The following GRIK1 variants were observed in gnomAD, a reference collection of about 807,000 sequenced individuals.
The protein encoded by GRIK1 is glutamate receptor ionotropic, kainate 1.
Under a neutral mutation model 105.7 loss-of-function variants are expected in GRIK1, and 69 were observed. That is an observed-to-expected ratio of 0.65 (90% confidence interval 0.54 to 0.80). GRIK1 has a LOEUF of 0.80. GRIK1 is among the 30% of genes least tolerant of loss of function. The pLI, the probability that GRIK1 is intolerant of heterozygous loss-of-function variation, is 0.00. For missense variants in GRIK1, 1,109 were observed against 1,167.3 expected (o/e 0.95, Z 0.73); for synonymous variants, 438 against 431.3 (o/e 1.02, Z -0.19).
chr21:29,607,285 G>A (rs363427), intron 7 of GRIK1, among the ~76,000 whole-genome samples: 53,142 of 151,662 alleles, frequency 0.35, 9,969 homozygotes, highest in African/African-American at 0.5. Context: ...CACTGGAAAT[G>A]ACAACCAACC....
chr21:29,555,520 C>T (rs1462373784), intron 15 of GRIK1, among the ~76,000 whole-genome samples: 4 of 152,046 alleles, frequency 2.6e-5, no homozygotes, highest in East Asian at 1.9e-4. Flanking sequence ...ACTTTGGCCC[C>T]GATTGTTTGC....
chr21:29,754,286 G>T (rs575778500), intron 1 of GRIK1, among the ~76,000 whole-genome samples: 15 of 152,224 alleles, frequency 9.9e-5, no homozygotes, highest in Admixed American at 3.9e-4. Flanking sequence ...CTCATGTGTG[G>T]GTGGCTTTAT....
intron 9 of GRIK1, among the ~76,000 whole-genome samples, chr21:29,593,492 G>T (rs192281021): frequency 2.6e-5 from 4 of 152,142 alleles, no homozygotes; most frequent in Admixed American, 2.6e-4. Context: ...ATGTAACTCT[G>T]GCTAAATATA....
chr21:29,919,365 T>C (rs2071113043), intron 1 of GRIK1, among the ~76,000 whole-genome samples: 2 of 152,130 alleles, frequency 1.3e-5, no homozygotes, highest in Admixed American at 6.6e-5. Context: ...TGTCTCTTGT[T>C]GGCGGAAGCA....
At chr21:29,762,204 A>G (rs1053831156) in intron 1 of GRIK1, among the ~76,000 whole-genome samples, 1 of 152,202 alleles carries the variant, frequency 6.6e-6, no homozygotes, top group African/African-American at 2.4e-5. Flanking sequence ...GTTAACAGAT[A>G]TTCTGTCTTT....
intron 16 of GRIK1, among the ~76,000 whole-genome samples, chr21:29,545,501 T>C (rs1015615803): frequency 2.0e-5 from 3 of 152,234 alleles, no homozygotes; most frequent in Admixed American, 6.5e-5. Context: ...TTTATTGCAT[T>C]TCAGAGGCTG....
chr21:29,934,645 A>G (rs189284429), intron 1 of GRIK1, among the ~76,000 whole-genome samples: 45 of 152,322 alleles, frequency 3.0e-4, no homozygotes, highest in Non-Finnish European at 1.5e-4. Context: ...AAGTCCATAT[A>G]CAATATGGCA....
At chr21:29,784,849 A>C (rs2066216598) in intron 1 of GRIK1, among the ~76,000 whole-genome samples, 1 of 152,252 alleles carries the variant, frequency 6.6e-6, no homozygotes, top group Admixed American at 6.5e-5. Flanking sequence ...TGAATTAATA[A>C]ATAAATACAC....
At chr21:29,572,788 G>A (rs748752580) in intron 14 of GRIK1, among the ~76,000 whole-genome samples, 1 of 149,692 alleles carries the variant, frequency 6.7e-6, no homozygotes, top group Non-Finnish European at 1.5e-5. Flanking sequence ...CTTCTTTTTT[G>A]AGACGGAGTT....
At chr21:29,790,329 G>T (rs1259021989) in intron 1 of GRIK1, among the ~76,000 whole-genome samples, 1 of 152,148 alleles carries the variant, frequency 6.6e-6, no homozygotes, top group African/African-American at 2.4e-5. Flanking sequence ...TTACAAGTGT[G>T]AGCCACCTCG....
chr21:29,650,118 A>G (rs2062700949), intron 6 of GRIK1, among the ~76,000 whole-genome samples: 1 of 152,218 alleles, frequency 6.6e-6, no homozygotes, highest in Non-Finnish European at 1.5e-5. Context: ...TGAATATTTT[A>G]AAAGTTATTT....
chr21:29,707,405 T>G (rs1442055055), intron 1 of GRIK1, among the ~76,000 whole-genome samples: 1 of 151,514 alleles, frequency 6.6e-6, no homozygotes, highest in Non-Finnish European at 1.5e-5. Flanking sequence ...GATGACTCTA[T>G]CCGGCTTTCT....
intron 4 of GRIK1, among the ~76,000 whole-genome samples, chr21:29,671,779 T>C (rs184261820): frequency 5.9e-5 from 9 of 152,294 alleles, no homozygotes; most frequent in Admixed American, 5.2e-4. Flanking sequence ...TATAAAGAGA[T>C]GGCCGGCAGA....
chr21:29,917,561 G>A (rs2071038961), intron 1 of GRIK1, among the ~76,000 whole-genome samples: 6 of 151,980 alleles, frequency 3.9e-5, no homozygotes, highest in Admixed American at 3.9e-4. Flanking sequence ...ACATTGAAAT[G>A]TTCTCTTCTT....
At chr21:29,620,782 G>GATATAT (rs1303807750) in intron 7 of GRIK1, among the ~76,000 whole-genome samples, 1 of 122,852 alleles carries the variant, frequency 8.1e-6, no homozygotes, top group African/African-American at 3.7e-5. Flanking sequence ...TATATATATA[G>GATATAT]ATATATATAT....
chr21:29,745,617 G>T (rs2065030632), intron 1 of GRIK1, among the ~76,000 whole-genome samples: 1 of 152,142 alleles, frequency 6.6e-6, no homozygotes. Flanking sequence ...ATGCTGCCTG[G>T]TTACTTACCA....
intron 1 of GRIK1, among the ~76,000 whole-genome samples, chr21:29,938,123 T>C (rs1484442423): frequency 6.6e-6 from 1 of 152,208 alleles, no homozygotes; most frequent in East Asian, 1.9e-4. Context: ...TGAATTTTTG[T>C]AAAGGGGCTG....
chr21:29,618,666 G>A (rs1372761775), intron 7 of GRIK1, among the ~76,000 whole-genome samples: 1 of 152,118 alleles, frequency 6.6e-6, no homozygotes, highest in Non-Finnish European at 1.5e-5. Flanking sequence ...TATGCACAAT[G>A]GAATACTACT....
intron 1 of GRIK1, among the ~76,000 whole-genome samples, chr21:29,694,765 G>T (rs571684491): frequency 6.6e-6 from 1 of 152,304 alleles, no homozygotes; most frequent in Admixed American, 6.5e-5. Flanking sequence ...TTAGAATGAA[G>T]ATCTTTCTAT....
Sources: gnomAD v4.1 joint callset for allele counts (sites outside exome capture counted in the v4.1 genomes callset) on GRCh38, gnomAD v4.1.1 for gene constraint, MANE v1.5 for transcripts, NCBI Gene and HGNC (gene_info 2026-07-23, HGNC 2026-07-21) for gene names.